Variants in MAN1A1 observed in about 807,000 individuals in gnomAD.
MAN1A1 encodes mannosidase alpha class 1A member 1.
Under a neutral mutation model 70.8 loss-of-function variants are expected in MAN1A1, and 29 were observed. The observed-to-expected ratio is 0.41, with a 90% confidence interval of 0.31 to 0.56. The LOEUF (loss-of-function observed/expected upper bound fraction) is 0.56. MAN1A1 is among the 20% of genes least tolerant of loss of function. The probability of loss-of-function intolerance (pLI) is 0.29; values close to 1 mark genes in which losing one functional copy is unlikely to be tolerated. For missense variants in MAN1A1, 747 were observed against 841.3 expected (o/e 0.89, Z 1.39); for synonymous variants, 349 against 330.1 (o/e 1.06, Z -0.62).
At chr6:119,278,127 CAGAG>C (rs1776128186) in intron 5 of MAN1A1, among the ~76,000 whole-genome samples, 1 of 151,244 alleles carries the variant, frequency 6.6e-6, no homozygotes, top group Non-Finnish European at 1.5e-5. Context: ...GCCTGAGTGA[CAGAG>C]AGACCCTCAA....
chr6:119,343,812 G>C (rs1011543543), intron 2 of MAN1A1, among the ~76,000 whole-genome samples: 1 of 152,152 alleles, frequency 6.6e-6, no homozygotes, highest in Non-Finnish European at 1.5e-5. Flanking sequence ...ACATACACAA[G>C]ATTATAAAGA....
chr6:119,220,022 T>C (rs1774315544), intron 6 of MAN1A1, among the ~76,000 whole-genome samples: 1 of 152,068 alleles, frequency 6.6e-6, no homozygotes, highest in East Asian at 1.9e-4. Context: ...AAAAAATCCA[T>C]ACACTTTTGA....
At chr6:119,234,604 G>A (rs1163953139) in intron 6 of MAN1A1, among the ~76,000 whole-genome samples, 1 of 151,944 alleles carries the variant, frequency 6.6e-6, no homozygotes, top group Non-Finnish European at 1.5e-5. Flanking sequence ...TTGTAGAGAC[G>A]AGGTCTTGCT....
chr6:119,249,814 A>AT (rs1562210441), intron 5 of MAN1A1, among the ~76,000 whole-genome samples: 1 of 151,932 alleles, frequency 6.6e-6, no homozygotes. Context: ...TTAAAAAAAA[A>AT]TTTTTTTTAA....
At chr6:119,275,516 C>T (rs1386419382) in intron 5 of MAN1A1, among the ~76,000 whole-genome samples, 3 of 148,610 alleles carry the variant, frequency 2.0e-5, no homozygotes, top group Non-Finnish European at 4.5e-5. Flanking sequence ...CCGTTTTAGC[C>T]GGGATGGTCT....
chr6:119,339,621 T>C (rs562891997), intron 2 of MAN1A1, among the ~76,000 whole-genome samples: 2 of 151,884 alleles, frequency 1.3e-5, no homozygotes, highest in East Asian at 1.9e-4. Flanking sequence ...TCTACTCTAG[T>C]GTGCTTTCAA....
At chr6:119,276,321 C>T (rs1199722214) in intron 5 of MAN1A1, among the ~76,000 whole-genome samples, 1 of 152,200 alleles carries the variant, frequency 6.6e-6, no homozygotes, top group Non-Finnish European at 1.5e-5. Flanking sequence ...ATTTTACCCC[C>T]TTATCATGTA....
In MAN1A1 at chr6:119,300,943, T is replaced by C. The variant is rs546615734; in HGVS notation, c.816+1045A>G. Among the ~76,000 whole-genome samples, 15 of 152,284 alleles carry C rather than the reference T, an allele frequency of 9.9e-5. No homozygotes were observed. In the South Asian group the frequency reaches 2.7e-3, roughly 27 times the overall value. On this transcript the variant is annotated intron_variant, in intron 4 of 12. Transcript: ENST00000368468. ...TATATAAGTTTTTAATTGAAATAGATGGGGGAAAGACTTAGCTTTACTGAT... is the reference window on the plus strand; with the variant it reads ...TATATAAGTTTTTAATTGAAATAGACGGGGGAAAGACTTAGCTTTACTGAT...
intron 2 of MAN1A1, among the ~76,000 whole-genome samples, chr6:119,308,959 T>A (rs188947948): frequency 7.9e-4 from 121 of 152,336 alleles, no homozygotes; most frequent in African/African-American, 2.8e-3. Context: ...GTAGTATATA[T>A]TAACTTTTCC....
chr6:119,289,286 TATGGAAA>T (rs1776467468), intron 5 of MAN1A1, among the ~76,000 whole-genome samples: 1 of 151,846 alleles, frequency 6.6e-6, no homozygotes, highest in Non-Finnish European at 1.5e-5. Flanking sequence ...CCACATAGAT[TATGGAAA>T]AAGTTAAAAC....
intron 5 of MAN1A1, among the ~76,000 whole-genome samples, chr6:119,248,677 C>T (rs1460842118): frequency 6.6e-6 from 1 of 152,170 alleles, no homozygotes; most frequent in Non-Finnish European, 1.5e-5. Context: ...ATTTTAAAAG[C>T]ATCACAGGCG....
At chr6:119,245,284 G>A (rs994695573) in intron 6 of MAN1A1, among the ~76,000 whole-genome samples, 2 of 152,134 alleles carry the variant, frequency 1.3e-5, no homozygotes, top group Admixed American at 1.3e-4. Context: ...AAGAAAATAT[G>A]ATTTTGCCAG....
chr6:119,323,833 C>A (rs917772828), intron 2 of MAN1A1, among the ~76,000 whole-genome samples: 2 of 152,036 alleles, frequency 1.3e-5, no homozygotes, highest in Admixed American at 1.3e-4. Flanking sequence ...TTGAAGAATA[C>A]CCTAAATTCT....
intron 2 of MAN1A1, among the ~76,000 whole-genome samples, chr6:119,344,483 G>C (rs933280634): frequency 6.6e-6 from 1 of 152,208 alleles, no homozygotes; most frequent in Admixed American, 6.5e-5. Flanking sequence ...AGGGCCTCTG[G>C]GTGGAGCAAT....
intron 6 of MAN1A1, 143 bp downstream of exon 6, chr6:119,248,117 C>CA: frequency 1.7e-6 from 1 of 605,706 alleles, no homozygotes; most frequent in Non-Finnish European, 2.9e-6. Context: ...TAGCTGCCAA[C>CA]AAAAAGACAG....
intron 8 of MAN1A1, among the ~76,000 whole-genome samples, chr6:119,196,390 T>A (rs1336425593): frequency 6.6e-6 from 1 of 151,722 alleles, no homozygotes; most frequent in Non-Finnish European, 1.5e-5. Flanking sequence ...ATTTAGCATG[T>A]CACTCACTAA....
intron 2 of MAN1A1, among the ~76,000 whole-genome samples, chr6:119,316,230 T>C (rs889330881): frequency 7.1e-6 from 1 of 140,346 alleles, no homozygotes. Context: ...CAGGCTGGAA[T>C]GCAGTGGCGC....
chr6:119,205,998 G>GCC (rs1773849644), intron 6 of MAN1A1, among the ~76,000 whole-genome samples: 1 of 152,208 alleles, frequency 6.6e-6, no homozygotes, highest in Admixed American at 6.5e-5. Context: ...AGCATCTAAA[G>GCC]CTGGGACACA....
At chr6:119,283,035 A>C (rs1156937237) in intron 5 of MAN1A1, among the ~76,000 whole-genome samples, 1 of 152,236 alleles carries the variant, frequency 6.6e-6, no homozygotes, top group Admixed American at 6.5e-5. Context: ...AATAGTCTCC[A>C]GCTGATTTTC....
Sources: allele counts gnomAD v4.1 joint callset (sites outside exome capture counted in the v4.1 genomes callset), GRCh38; gene constraint gnomAD v4.1.1; transcripts MANE v1.5; gene names NCBI Gene and HGNC (gene_info 2026-07-23, HGNC 2026-07-21).